The following SRGAP2C variants were observed in gnomAD, a reference collection of about 807,000 sequenced individuals.
SRGAP2C encodes the protein SLIT-ROBO Rho GTPase activating protein 2C.
Under a neutral mutation model 25.1 loss-of-function variants are expected in SRGAP2C, and 15 were observed. That is an observed-to-expected ratio of 0.60 (90% CI 0.40 to 0.92). The LOEUF (loss-of-function observed/expected upper bound fraction) is 0.92. Among genes scored for constraint, SRGAP2C ranks in the 40% least tolerant of loss-of-function variants. The pLI is 0.00. For missense variants in SRGAP2C, 144 were observed against 264.4 expected (o/e 0.54, Z 3.16); for synonymous variants, 44 against 96.6 (o/e 0.46, Z 3.19).
chr1:121,259,617 G>T (rs1558097720), intron 2 of SRGAP2C, among the ~76,000 whole-genome samples: 2 of 151,550 alleles, frequency 1.3e-5, no homozygotes, highest in Admixed American at 6.6e-5. Flanking sequence ...GGTATTTTTT[G>T]ATGATCATGT....
rs1660128494 is a variant in SRGAP2C at position 121,392,541 on chromosome 1, T to G, written c.*4686T>G. The G allele has an allele frequency of 6.8e-6, 1 of 147,244 alleles. No individual in the cohort carries two copies. The highest frequency in any genetic ancestry group is 2.0e-4 in the East Asian group (1 of 4,964). The allele number at this position is 147,244 out of a possible 1,614,324, so 9.1% of individuals were successfully genotyped here. A position where few individuals can be genotyped will look rare whatever the true frequency, so the allele number is the denominator to read the frequency against. ...AAACATAAGCGTCACAAACAGGCTT[T>G]CATACCATTCTTAATTTGGTCCTGT... On this transcript the variant is annotated 3_prime_UTR_variant, in exon 10 of 10. Coordinates refer to ENST00000367123, the MANE Select transcript of SRGAP2C (RefSeq NM_001329984.2).
intron 2 of SRGAP2C, among the ~76,000 whole-genome samples, chr1:121,283,749 A>T (rs1388796832): frequency 6.6e-6 from 1 of 151,384 alleles, no homozygotes; most frequent in East Asian, 1.9e-4. Flanking sequence ...GGGGATTGGG[A>T]CATAACTTCA....
chr1:121,218,683 G>A (rs1334365787), intron 2 of SRGAP2C, among the ~76,000 whole-genome samples: 4 of 150,728 alleles, frequency 2.7e-5, no homozygotes, highest in Non-Finnish European at 5.9e-5. Context: ...GGAGGCGAAG[G>A]TTGCAGTGAG....
rs587664396 is a variant in SRGAP2C, at chr1:121,392,502, TAAAG to T, written c.*4649_*4652del. 2.1e-3 allele frequency: 315 copies of T among 149,920 alleles called. 2 individuals are homozygous for T. Among genetic ancestry groups the T allele is most frequent in the African/African-American group, 7.4e-3 (302 of 40,818 alleles). 9.3% of individuals were successfully genotyped at this position (149,920 alleles called of 1,614,324 possible). A position where few individuals can be genotyped will look rare whatever the true frequency, so the allele number is the denominator to read the frequency against. On this transcript the variant is annotated 3_prime_UTR_variant, in exon 10 of 10. Coordinates refer to ENST00000367123, the MANE Select transcript of SRGAP2C (RefSeq NM_001329984.2). The stretch of plus-strand genomic sequence containing the variant: ...CTTTTGAGATTTATAGTCACTCAAA[TAAAG>T]AGATAACCCAAACATAAGCGTCACA...
At chr1:121,324,406 C>T (rs1317437264) in intron 3 of SRGAP2C, 72 bp from the exon 4 acceptor site, 40 of 1,311,762 alleles carry the variant, frequency 3.0e-5, no homozygotes, top group Admixed American at 1.4e-4. Context: ...TTTTAGGACA[C>T]GGACTATAGT....
At chr1:121,372,239 C>T (rs1260278392) in intron 5 of SRGAP2C, among the ~76,000 whole-genome samples, 7 of 152,234 alleles carry the variant, frequency 4.6e-5, no homozygotes, top group Middle Eastern at 3.4e-3. Context: ...TCTAGCTGAT[C>T]GTAGGGCCTA....
At chr1:121,298,172 ACT>A (rs1657636363) in intron 3 of SRGAP2C, among the ~76,000 whole-genome samples, 2 of 142,514 alleles carry the variant, frequency 1.4e-5, no homozygotes, top group Admixed American at 7.0e-5. Context: ...CCCTATAAAA[ACT>A]CAGCAATTGT....
chr1:121,187,894 GT>G (rs1463976025), intron 2 of SRGAP2C, among the ~76,000 whole-genome samples: 1 of 151,942 alleles, frequency 6.6e-6, no homozygotes, highest in Non-Finnish European at 1.5e-5. Flanking sequence ...TTGGACATTT[GT>G]TTCAGAGATT....
At chr1:121,225,853 C>T (rs1395872065) in intron 2 of SRGAP2C, among the ~76,000 whole-genome samples, 11 of 138,388 alleles carry the variant, frequency 7.9e-5, no homozygotes, top group South Asian at 2.4e-4. Context: ...TACAGGCGCC[C>T]GCCACCACGC....
chr1:121,233,194 T>C (rs1553327865), intron 2 of SRGAP2C, among the ~76,000 whole-genome samples: 4 of 120,822 alleles, frequency 3.3e-5, no homozygotes, highest in Non-Finnish European at 7.1e-5. Context: ...TCGCCCAGTC[T>C]GGGGTGCAGT....
chr1:121,288,833 T>A (rs1657429027), intron 3 of SRGAP2C, among the ~76,000 whole-genome samples: 12 of 54,346 alleles, frequency 2.2e-4, no homozygotes, highest in Non-Finnish European at 2.8e-4. Context: ...TGAGCTAGAT[T>A]CAGAGTGCCG....
At chr1:121,213,571 C>A (rs1173693853) in intron 2 of SRGAP2C, among the ~76,000 whole-genome samples, 2 of 24,268 alleles carry the variant, frequency 8.2e-5, no homozygotes, top group South Asian at 2.1e-3. Context: ...CTGATTTCCC[C>A]AGAAAGGGAA....
chr1:121,258,559 G>C (rs1363210582), intron 2 of SRGAP2C, among the ~76,000 whole-genome samples: 2 of 150,964 alleles, frequency 1.3e-5, no homozygotes, highest in East Asian at 3.9e-4. Flanking sequence ...TCTGCCTCCT[G>C]GGTTCAAGAG....
At position 121,391,012 on chromosome 1, in the gene SRGAP2C, G is replaced by T. The variant is rs1553357618; in HGVS notation, c.*3157G>T. ...GCCAAGGTCGTGTCACTGCACTCCA[G>T]CCTGGGTGACAGAGTAAGACTCTGC... On this transcript the variant is annotated 3_prime_UTR_variant, in exon 10 of 10. Transcript: ENST00000367123. The T allele has an allele frequency of 2.1e-5, 2 of 96,916 alleles. No individual in the cohort carries two copies. The allele number at this position is 96,916 out of a possible 1,614,324, so 6.0% of individuals were successfully genotyped here.
At chr1:121,270,044 A>G in intron 2 of SRGAP2C, among the ~76,000 whole-genome samples, 1 of 147,874 alleles carries the variant, frequency 6.8e-6, no homozygotes, top group Non-Finnish European at 1.5e-5. Context: ...ATATGTAGCC[A>G]CTTGTTCTTT....
chr1:121,206,875 G>A (rs1553322594), intron 2 of SRGAP2C, among the ~76,000 whole-genome samples: 2 of 151,456 alleles, frequency 1.3e-5, no homozygotes, highest in Non-Finnish European at 2.9e-5. Flanking sequence ...GGGCCTAGGG[G>A]TGAAGTAAGA....
chr1:121,264,027 TACCAC>T (rs1553333907), intron 2 of SRGAP2C, among the ~76,000 whole-genome samples: 1 of 151,928 alleles, frequency 6.6e-6, no homozygotes. Context: ...GATAAATTCT[TACCAC>T]AGTTTCTAGG....
intron 2 of SRGAP2C, among the ~76,000 whole-genome samples, chr1:121,213,292 T>C (rs1224416885): frequency 4.0e-5 from 6 of 150,122 alleles, no homozygotes; most frequent in Non-Finnish European, 7.4e-5. Context: ...GCAATCCACC[T>C]GCCTCTGCCT....
chr1:121,310,412 G>T (rs1269336404), intron 3 of SRGAP2C, among the ~76,000 whole-genome samples: 2 of 139,284 alleles, frequency 1.4e-5, no homozygotes, highest in African/African-American at 2.8e-5. Context: ...TTGCTGTGCA[G>T]AAGCTCTTTA....
Sources: allele counts gnomAD v4.1 joint callset (sites outside exome capture counted in the v4.1 genomes callset), GRCh38; gene constraint gnomAD v4.1.1; transcripts MANE v1.5; gene names NCBI Gene and HGNC (gene_info 2026-07-23, HGNC 2026-07-21).